Variants in SEM1 observed in about 807,000 individuals in gnomAD.
The protein encoded by SEM1 is SEM1 26S proteasome subunit, also known as 26S proteasome complex subunit SEM1.
Under a neutral mutation model 12.7 loss-of-function variants are expected in SEM1, and 3 were observed. That is an observed-to-expected ratio of 0.24 (90% CI 0.11 to 0.61). The LOEUF is 0.61. SEM1 is among the 20% of genes least tolerant of loss of function. SEM1 has a pLI of 0.88. For synonymous variants in SEM1, 30 were observed against 27.8 expected, an observed-to-expected ratio of 1.08 and a Z score of -0.25; for missense variants, 59 against 81.3, an observed-to-expected ratio of 0.73 and a Z score of 1.06.
intron 2 of SEM1, among the ~76,000 whole-genome samples, chr7:96,630,731 A>G (rs192463153): frequency 4.3e-4 from 65 of 152,270 alleles, no homozygotes; most frequent in African/African-American, 1.2e-3. Context: ...CAGATTTGGG[A>G]ATAGGCTGAG....
chr7:96,492,031 T>G (rs190892252), intron 1 of SEM1, among the ~76,000 whole-genome samples: 1 of 152,200 alleles, frequency 6.6e-6, no homozygotes, highest in African/African-American at 2.4e-5. Context: ...CCTCAGTGTT[T>G]ACACAGTCTT....
At chr7:96,699,647 C>T (rs1007350765) in intron 1 of SEM1, among the ~76,000 whole-genome samples, 12 of 152,324 alleles carry the variant, frequency 7.9e-5, no homozygotes, top group East Asian at 1.9e-4. Context: ...CCCTTTCCTA[C>T]GTTTCTTTTG....
At chr7:96,576,960 A>T (rs188022906) in intron 2 of SEM1, among the ~76,000 whole-genome samples, 91 of 152,212 alleles carry the variant, frequency 6.0e-4, no homozygotes, top group African/African-American at 2.1e-3. Flanking sequence ...TCTACTAAAA[A>T]TACAAAATTA....
At chr7:96,613,350 T>C (rs1310741953) in intron 2 of SEM1, among the ~76,000 whole-genome samples, 2 of 152,242 alleles carry the variant, frequency 1.3e-5, no homozygotes, top group Admixed American at 6.5e-5. Context: ...AGTTTTCTTA[T>C]TACATTAAAG....
chr7:96,531,374 GC>G (rs1804635208), intron 2 of SEM1, among the ~76,000 whole-genome samples: 1 of 151,262 alleles, frequency 6.6e-6, no homozygotes, highest in South Asian at 2.1e-4. Flanking sequence ...TTCAAGACCA[GC>G]CTGGGCAACA....
intron 3 of SEM1, among the ~76,000 whole-genome samples, chr7:96,502,415 G>A (rs1803597765): frequency 6.6e-6 from 1 of 152,122 alleles, no homozygotes; most frequent in African/African-American, 2.4e-5. Flanking sequence ...AAAGACTGCC[G>A]ATCCTGGTGT....
chr7:96,551,039 T>C lies in SEM1; in HGVS notation c.171-44341A>G, dbSNP rs148984074. On this transcript the variant is annotated intron_variant and NMD_transcript_variant, in intron 2 of 3. Coordinates refer to the SEM1 transcript ENST00000466986. The stretch of plus-strand genomic sequence containing the variant: ...AACACTCACCAAGAAGAGATAGACA[T>C]GCAAGAGATTTATTTGAGGAAATGC... Among the ~76,000 whole-genome samples, 8 of 152,144 alleles carry C rather than the reference T, an allele frequency of 5.3e-5. No individual in the cohort carries two copies. The East Asian group carries it at 1.5e-3, about 29-fold the overall frequency.
At chr7:96,544,455 A>T (rs1805046744) in intron 2 of SEM1, among the ~76,000 whole-genome samples, 1 of 151,902 alleles carries the variant, frequency 6.6e-6, no homozygotes, top group African/African-American at 2.4e-5. Flanking sequence ...CTTAAATAAC[A>T]TATCTTTGTT....
At chr7:96,679,229 T>C (rs969909646) in intron 2 of SEM1, among the ~76,000 whole-genome samples, 1 of 152,088 alleles carries the variant, frequency 6.6e-6, no homozygotes, top group Admixed American at 6.6e-5. Flanking sequence ...AGTGGCCTTA[T>C]TAGCTTTAGC....
chr7:96,568,255 A>T (rs1805910993), intron 2 of SEM1, among the ~76,000 whole-genome samples: 1 of 151,698 alleles, frequency 6.6e-6, no homozygotes, highest in Non-Finnish European at 1.5e-5. Context: ...TTAGATTTTT[A>T]AAATCCATAT....
intron 3 of SEM1, among the ~76,000 whole-genome samples, chr7:96,502,879 G>T (rs1436154604): frequency 6.6e-6 from 1 of 152,206 alleles, no homozygotes. Context: ...TTCACCATAA[G>T]AGGCATTCTA....
intron 2 of SEM1, among the ~76,000 whole-genome samples, chr7:96,547,326 G>C (rs183854351): frequency 1.1e-4 from 17 of 152,260 alleles, no homozygotes; most frequent in African/African-American, 4.1e-4. Flanking sequence ...AGTATGAATA[G>C]GGGGTTGTAA....
intron 2 of SEM1, among the ~76,000 whole-genome samples, chr7:96,663,515 G>A (rs1022037780): frequency 1.3e-5 from 2 of 152,140 alleles, no homozygotes; most frequent in African/African-American, 2.4e-5. Context: ...AGAGAGGGGC[G>A]AGAAGAAGGA....
chr7:96,667,376 G>A (rs902862311), intron 2 of SEM1, among the ~76,000 whole-genome samples: 1 of 152,106 alleles, frequency 6.6e-6, no homozygotes, highest in Non-Finnish European at 1.5e-5. Flanking sequence ...CAAGTTAGCT[G>A]CCCTTGTCTC....
chr7:96,578,553 A>C (rs888367222), intron 2 of SEM1, among the ~76,000 whole-genome samples: 2 of 152,200 alleles, frequency 1.3e-5, no homozygotes, highest in Non-Finnish European at 2.9e-5. Context: ...TTCTTAAAAA[A>C]CAAAAAATTC....
chr7:96,602,181 T>G (rs1010601536), intron 2 of SEM1, among the ~76,000 whole-genome samples: 2 of 152,172 alleles, frequency 1.3e-5, no homozygotes, highest in Non-Finnish European at 2.9e-5. Context: ...TGGGAGCCAT[T>G]GGTAAGAAGA....
Position 96,634,347 on chromosome 7 carries a change from G to A in SEM1, c.171-11704C>T, listed in dbSNP as rs375785735. ...TTACTTGTTTACTTGTTTGATGAAA[G>A]AATAGGTAGATCATTAGAACAGAAA... On this transcript the variant is annotated intron_variant, in intron 2 of 2. Coordinates refer to the SEM1 transcript ENST00000417009. Among the ~76,000 whole-genome samples, 48 of 152,094 alleles carry A rather than the reference G, an allele frequency of 3.2e-4. No individual in the cohort carries two copies. The East Asian group carries it at 8.1e-3, about 26-fold the overall frequency.
At chr7:96,564,115 T>C (rs575951090) in intron 2 of SEM1, among the ~76,000 whole-genome samples, 1 of 152,234 alleles carries the variant, frequency 6.6e-6, no homozygotes, top group African/African-American at 2.4e-5. Flanking sequence ...CATAGGAAAG[T>C]TGGTGATAAA....
intron 2 of SEM1, among the ~76,000 whole-genome samples, chr7:96,539,533 G>A (rs1041815831): frequency 1.3e-5 from 2 of 151,550 alleles, no homozygotes; most frequent in African/African-American, 4.8e-5. Context: ...AACAAACACA[G>A]TATAAAATTC....
Sources: allele counts gnomAD v4.1 joint callset (sites outside exome capture counted in the v4.1 genomes callset), GRCh38; gene constraint gnomAD v4.1.1; transcripts MANE v1.5; gene names NCBI Gene and HGNC (gene_info 2026-07-23, HGNC 2026-07-21).